Variants in PCDHGA5 observed in about 807,000 individuals in gnomAD.
PCDHGA5 encodes protocadherin gamma-A5.
PCDHGA5 carries 36 observed loss-of-function variants against 56.7 expected under a neutral mutation model. That is an observed-to-expected ratio of 0.64 (90% CI 0.49 to 0.84). The LOEUF (loss-of-function observed/expected upper bound fraction) is 0.84, where lower values mean the gene tolerates loss of function less well. PCDHGA5 is among the 40% of genes least tolerant of loss of function. The pLI, the probability that PCDHGA5 is intolerant of heterozygous loss-of-function variation, is 0.00. For synonymous variants in PCDHGA5, 563 were observed against 520.2 expected (o/e 1.08, Z -1.12); for missense variants, 1,305 against 1,201.5 (o/e 1.09, Z -1.27).
rs2099391747 is a variant in PCDHGA5 at position 141,476,440 on chromosome 5, G to A, written c.2422-18367G>A. Reference sequence around the variant, plus strand: ...CACTGCCCTCTTGCACTGTAACTCTGGAGTTGGTAGTGGAGAACCCGCTGG... The same window carrying A: ...CACTGCCCTCTTGCACTGTAACTCTAGAGTTGGTAGTGGAGAACCCGCTGG... On this transcript the variant is annotated intron_variant, in intron 1 of 3. Transcript: ENST00000518069. The surrounding 1 kb of genome is among the most constrained non-coding windows in gnomAD (Gnocchi z 7.6). 1.2e-6 allele frequency: 2 copies of A among 1,613,998 alleles called. No individual in the cohort carries two copies. Among genetic ancestry groups the A allele is most frequent in the African/African-American group, 2.7e-5 (2 of 74,902 alleles).
At chr5:141,413,622 T>C (rs1561743710) in intron 1 of PCDHGA5, 2 of 1,613,760 alleles carry the variant, frequency 1.2e-6, no homozygotes, top group Non-Finnish European at 1.7e-6. Flanking sequence ...TTAATGAAAA[T>C]GTCGCTGCGG....
chr5:141,504,763 C>G (rs1057360921), intron 2 of PCDHGA5, among the ~76,000 whole-genome samples: 5 of 152,018 alleles, frequency 3.3e-5, no homozygotes, highest in African/African-American at 1.2e-4. Context: ...AATTTCTTCT[C>G]CCTGCTCCAG....
At chr5:141,398,293 T>A in intron 1 of PCDHGA5, 1 of 1,383,344 alleles carries the variant, frequency 7.2e-7, no homozygotes, top group Non-Finnish European at 9.9e-7. Flanking sequence ...GGACCTGGGG[T>A]TCAGCGTCCA....
At chr5:141,380,434 T>A (rs919623948) in intron 1 of PCDHGA5, among the ~76,000 whole-genome samples, 38 of 152,208 alleles carry the variant, frequency 2.5e-4, no homozygotes, top group African/African-American at 8.7e-4. Flanking sequence ...AGACTTTACA[T>A]AGAATTCTTT....
rs545147450 is a variant in PCDHGA5 at position 141,380,989 on chromosome 5, A to C, written c.2421+14238A>C. On this transcript the variant is annotated intron_variant, in intron 1 of 3. Transcript: ENST00000518069. ...TATTAAACAAATAGAATTTAACTCC[A>C]GTTTACAGAATTCATCTATAATACC... is the stretch of plus-strand genomic sequence containing the variant. Among the ~76,000 whole-genome samples, 4 of 152,258 alleles carry C rather than the reference A, an allele frequency of 2.6e-5. No homozygotes were observed. In the South Asian group the frequency reaches 8.3e-4, roughly 32 times the overall value.
At chr5:141,387,135 T>C (rs2090834693) in intron 1 of PCDHGA5, among the ~76,000 whole-genome samples, 1 of 152,208 alleles carries the variant, frequency 6.6e-6, no homozygotes, top group African/African-American at 2.4e-5. Context: ...ACTGAAACTA[T>C]TGGGAAGGGG....
rs1410419839 is a variant in PCDHGA5 at position 141,429,391 on chromosome 5, A to ATTTT, written c.2421+62640_2421+62641insTTTT. Among the ~76,000 whole-genome samples, 380 of 151,312 alleles carry ATTTT rather than the reference A, an allele frequency of 2.5e-3. 1 individual carries two copies. The highest frequency in any genetic ancestry group is 4.2e-3 in the South Asian group (20 of 4,768). On this transcript the variant is annotated intron_variant, in intron 1 of 3. Coordinates refer to ENST00000518069, the MANE Select transcript of PCDHGA5 (RefSeq NM_018918.3). The stretch of plus-strand genomic sequence containing the variant: ...GGAGAAAATGTGTTTTTTTTTTAAA[A>ATTTT]AAAATTGAGATTAAGGTCTCATTAT...
intron 1 of PCDHGA5, chr5:141,378,737 T>C (rs982541693): frequency 3.3e-5 from 5 of 152,152 alleles, no homozygotes; most frequent in African/African-American, 1.2e-4. Flanking sequence ...TATTGAAATA[T>C]TTCAAGAAAA....
rs538468873 is a variant in PCDHGA5 at position 141,364,832 on chromosome 5, C to T, written c.502C>T (p.Arg168Trp). The T allele has an allele frequency of 3.7e-6, 6 of 1,613,894 alleles. No individual in the cohort carries two copies. The highest frequency in any genetic ancestry group is 1.7e-5 in the Admixed American group (1 of 60,010). Residue 168 changes from arginine (R) to tryptophan (W), a missense_variant, in exon 1 of 4, where the codon CGG becomes TGG. Physicochemically the swap from Arg to Trp is moderately radical, Grantham distance 101. Coordinates refer to ENST00000518069, the MANE Select transcript of PCDHGA5 (RefSeq NM_018918.3). ...RDADVGVNSL[R>W]SYQLSSNLHF... is the part of the protein sequence containing the mutation. ...TGCGGATGTGGGTGTGAACTCTCTCCGGAGTTACCAGCTCAGCTCCAATCT... is the reference window on the plus strand; with the variant it reads ...TGCGGATGTGGGTGTGAACTCTCTCTGGAGTTACCAGCTCAGCTCCAATCT...
chr5:141,383,123 T>C, intron 1 of PCDHGA5: 1 of 1,614,066 alleles, frequency 6.2e-7, no homozygotes, highest in Non-Finnish European at 8.5e-7. Context: ...ACGCAGCTTT[T>C]CGCCCTGAAC....
intron 1 of PCDHGA5, chr5:141,371,701 A>C: frequency 6.2e-7 from 1 of 1,614,064 alleles, no homozygotes; most frequent in Non-Finnish European, 8.5e-7. Flanking sequence ...TCCTCCAGCA[A>C]GACCATCACT....
At chr5:141,419,863 G>C in intron 1 of PCDHGA5, 1 of 1,614,108 alleles carries the variant, frequency 6.2e-7, no homozygotes, top group Non-Finnish European at 8.5e-7. Flanking sequence ...CAGATAGCTT[G>C]CAAGAGGTAC....
chr5:141,366,557 G>T lies in PCDHGA5; in HGVS notation c.2227G>T (p.Val743Leu), dbSNP rs376762797. The change falls in exon 1 of 4, where the codon GTG (valine) becomes TTG (leucine). Residue 743 changes from valine to leucine, a missense_variant. Transcript: ENST00000518069. Reference protein sequence around the residue: ...AGVPASHFVGVDGVRAFLQTY... With the variant: ...AGVPASHFVGLDGVRAFLQTY... Reference sequence around the variant, plus strand: ...TGTGCCCGCCTCGCACTTTGTGGGCGTGGATGGGGTTCGGGCTTTCCTGCA... The same window carrying T: ...TGTGCCCGCCTCGCACTTTGTGGGCTTGGATGGGGTTCGGGCTTTCCTGCA... The T allele has an allele frequency of 3.5e-5, 56 of 1,614,268 alleles. No homozygotes were observed. In the African/African-American group the frequency reaches 4.3e-4, roughly 12 times the overall value.
At chr5:141,388,611 A>T (rs773007125) in intron 1 of PCDHGA5, 13 of 1,613,850 alleles carry the variant, frequency 8.1e-6, no homozygotes, top group Non-Finnish European at 6.8e-6. Context: ...TCCAGTGTTC[A>T]GTCAAGACGT....
intron 1 of PCDHGA5, chr5:141,384,132 C>T (rs1290502346): frequency 6.2e-7 from 1 of 1,611,710 alleles, no homozygotes; most frequent in Non-Finnish European, 8.5e-7. Context: ...AAAACTTGGA[C>T]CGGGAAACAC....
chr5:141,374,178 G>C (rs1268452204), intron 1 of PCDHGA5: 2 of 1,613,614 alleles, frequency 1.2e-6, no homozygotes, highest in East Asian at 2.2e-5. Flanking sequence ...GCGCAGATCC[G>C]CTACTCTATT....
At chr5:141,402,096 A>G (rs1343417374) in intron 1 of PCDHGA5, among the ~76,000 whole-genome samples, 2 of 152,226 alleles carry the variant, frequency 1.3e-5, no homozygotes, top group Non-Finnish European at 2.9e-5. Context: ...GAAAAGTTTA[A>G]GCAATTACAA....
intron 1 of PCDHGA5, chr5:141,384,389 AG>A: frequency 1.2e-6 from 2 of 1,613,942 alleles, no homozygotes; most frequent in South Asian, 1.1e-5. Context: ...GACACCATCC[AG>A]GGGGCTCCAG....
rs377532961 is a variant in PCDHGA5 at position 141,366,656 on chromosome 5, G to A, written c.2326G>A (p.Ala776Thr). ...CCTGATCTTTCCCCAGCCCAACTAC[G>A]CAGACACGCTCCTTAGTGAAGAGAG... The part of the protein sequence containing the change: ...SHLIFPQPNY[A>T]DTLLSEESCE... The change falls in exon 1 of 4, where the codon GCA (alanine) becomes ACA (threonine). Residue 776 changes from alanine to threonine, a missense_variant. By Grantham distance (58) the Ala-to-Thr change is moderately conservative. Coordinates refer to ENST00000518069, the MANE Select transcript of PCDHGA5 (RefSeq NM_018918.3). 62 of 1,614,120 alleles carry A rather than the reference G, an allele frequency of 3.8e-5. No individual in the cohort carries two copies. In the South Asian group the frequency reaches 4.8e-4, roughly 13 times the overall value.
Sources: gnomAD v4.1 joint callset for allele counts (sites outside exome capture counted in the v4.1 genomes callset) on GRCh38, gnomAD v4.1.1 for gene constraint, Gnocchi (gnomAD v3.1) non-coding constraint, MANE v1.5 for transcripts, NCBI Gene and HGNC (gene_info 2026-07-23, HGNC 2026-07-21) for gene names.